MPP1: variants seen among roughly 807,000 people sequenced by gnomAD.
MPP1 encodes the protein MAGUK p55 scaffold protein 1.
In MPP1, 6 loss-of-function variants were observed where a neutral mutation model predicts 38.2. The observed-to-expected ratio is 0.16, with a 90% CI of 0.09 to 0.31. The LOEUF (loss-of-function observed/expected upper bound fraction) is 0.31, where lower values mean the gene tolerates loss of function less well. MPP1 is among the 10% of genes least tolerant of loss of function. The probability of loss-of-function intolerance (pLI) is 1.00; values close to 1 mark genes in which losing one functional copy is unlikely to be tolerated. For missense variants in MPP1, 293 were observed against 368.9 expected (o/e 0.79, Z 1.69); for synonymous variants, 153 against 146.3 (o/e 1.05, Z -0.33).
chrX:154,798,279 C>T (rs782762535), intron 1 of MPP1, among the ~76,000 whole-genome samples: 18 of 111,993 alleles, frequency 1.6e-4, no homozygotes, highest in African/African-American at 5.8e-4. Context: ...GGATATTCAC[C>T]TAGAGAAATG....
intron 6 of MPP1, 51 bp from the exon 7 acceptor site, chrX:154,785,208 A>ACCC (rs3215184): frequency 1.5e-6 from 1 of 686,197 alleles, no homozygotes. Context: ...CTCCCCTCAT[A>ACCC]CCCCCCCCAG....
At chrX:154,804,546 T>C (rs1557268965) in intron 1 of MPP1, among the ~76,000 whole-genome samples, 2 of 110,805 alleles carry the variant, frequency 1.8e-5, no homozygotes, top group African/African-American at 6.6e-5. Flanking sequence ...TCCAAATGAG[T>C]AAGTGAGCCG....
chrX:154,784,260 C>G (rs1557266959), intron 7 of MPP1, 152 bp from the exon 8 acceptor site: 2 of 473,548 alleles, frequency 4.2e-6, no homozygotes, highest in African/African-American at 4.9e-5. Context: ...GGAGGAAGGA[C>G]TTTGGACTGT....
At chrX:154,787,180 G>A (rs1371942399) in intron 5 of MPP1, among the ~76,000 whole-genome samples, 6 of 106,406 alleles carry the variant, frequency 5.6e-5, no homozygotes, top group Admixed American at 4.1e-4. Flanking sequence ...AATTTTCCAA[G>A]CATCATTTGA....
chrX:154,784,744 T>C (rs2072048742), intron 7 of MPP1: 1 of 358,518 alleles, frequency 2.8e-6, no homozygotes, highest in Admixed American at 3.6e-5. Flanking sequence ...GACCTGGCCC[T>C]GGCCTCTCCC....
In MPP1 at chrX:154,794,552, C is replaced by T. The variant is rs140282983; in HGVS notation, c.103-2267G>A. On this transcript the variant is annotated intron_variant, in intron 1 of 11. Coordinates refer to ENST00000369534, the MANE Select transcript of MPP1 (RefSeq NM_002436.4). ...AAATAGGGGATAGCTGCATTCCAGT[C>T]ACACCCAGAGGTGACCCTCAAAGAC... Among the ~76,000 whole-genome samples the T allele has an allele frequency of 7.8e-3, 876 of 111,751 alleles. 8 individuals carry two copies. Among genetic ancestry groups the T allele is most frequent in the African/African-American group, 0.027 (840 of 30,686 alleles).
rs782292442 is a variant in MPP1, at chrX:154,796,976, A to T, written c.103-4691T>A. On this transcript the variant is annotated intron_variant, in intron 1 of 11. Coordinates refer to ENST00000369534, the MANE Select transcript of MPP1 (RefSeq NM_002436.4). ...GGCAGGAGGATCATTTGAGCCCAGGAGGTCAAGGCTGCAGTGAGCTATGAT... is the reference window on the plus strand; with the variant it reads ...GGCAGGAGGATCATTTGAGCCCAGGTGGTCAAGGCTGCAGTGAGCTATGAT... Among the ~76,000 whole-genome samples the T allele has an allele frequency of 1.1e-3, 125 of 111,979 alleles. 1 individual carries two copies. Among genetic ancestry groups the T allele is most frequent in the Non-Finnish European group, 2.0e-3 (108 of 53,158 alleles).
In MPP1 at chrX:154,785,180, G is replaced by A. The variant is rs200366626; in HGVS notation, c.678-23C>T. 2.1e-5 allele frequency: 24 copies of A among 1,130,808 alleles called. No homozygotes were observed. In the East Asian group the frequency reaches 6.1e-4, roughly 29 times the overall value. 93.2% of individuals were successfully genotyped at this position (1,130,808 alleles called of 1,213,427 possible). On this transcript the variant is annotated intron_variant, in intron 6 of 11. Coordinates refer to ENST00000369534, the MANE Select transcript of MPP1 (RefSeq NM_002436.4). ...CGCCTGGTAGGAAAAGACAATCAAG[G>A]GGTCAGCTTTCCTCCCCCTCCCCTC...
intron 6 of MPP1, among the ~76,000 whole-genome samples, chrX:154,785,642 C>T (rs1221568725): frequency 8.9e-6 from 1 of 112,387 alleles, no homozygotes; most frequent in African/African-American, 3.2e-5. Context: ...TGGTTGTAAT[C>T]TTTACACTGG....
intron 1 of MPP1, among the ~76,000 whole-genome samples, chrX:154,801,929 G>C (rs1557268762): frequency 9.0e-6 from 1 of 110,938 alleles, no homozygotes; most frequent in African/African-American, 3.3e-5. Flanking sequence ...TATCAGTTCT[G>C]TGAAAAGAAA....
At chrX:154,801,736 G>A (rs147349195) in intron 1 of MPP1, among the ~76,000 whole-genome samples, 1,970 of 70,885 alleles carry the variant, frequency 0.028, 79 homozygotes, top group African/African-American at 0.098. Flanking sequence ...TCCAGCCTGG[G>A]TGACAGAGCA....
intron 6 of MPP1, 51 bp from the exon 7 acceptor site, chrX:154,785,208 A>C (rs782251045): frequency 1.3e-3 from 892 of 678,580 alleles, no homozygotes; most frequent in Middle Eastern, 3.8e-3. Flanking sequence ...CTCCCCTCAT[A>C]CCCCCCCCAG....
In MPP1 at chrX:154,781,705, G is replaced by T. The variant is rs1557266668; in HGVS notation, c.1044C>A (p.Phe348Leu). The T allele has an allele frequency of 8.3e-7, 1 of 1,211,509 alleles. No homozygotes were observed. The change falls in exon 10 of 12, where the codon TTC (phenylalanine) becomes TTA (leucine). Residue 348 changes from phenylalanine to leucine, a missense_variant. Coordinates refer to ENST00000369534, the MANE Select transcript of MPP1 (RefSeq NM_002436.4). ...EMTRNISANE[F>L]LEFGSYQGNM... ...TGCCTTGGTAGCTGCCAAACTCCAAGAACTCATTGGCAGAGATGTTCCTCG... is the reference window on the plus strand; with the variant it reads ...TGCCTTGGTAGCTGCCAAACTCCAATAACTCATTGGCAGAGATGTTCCTCG...
chrX:154,790,165 G>A (rs911874751), intron 4 of MPP1, 143 bp from the exon 5 acceptor site: 13 of 427,724 alleles, frequency 3.0e-5, no homozygotes, highest in Non-Finnish European at 4.8e-5. Flanking sequence ...TAATACAAAA[G>A]TGTCATGTGC....
chrX:154,786,473 T>C, intron 5 of MPP1, 73 bp from the exon 6 acceptor site: 1 of 965,483 alleles, frequency 1.0e-6, no homozygotes, highest in Non-Finnish European at 1.5e-6. Context: ...TGTCCTGCTG[T>C]AGACAAATGG....
chrX:154,799,286 G>A (rs1394562249), intron 1 of MPP1, among the ~76,000 whole-genome samples: 3 of 111,657 alleles, frequency 2.7e-5, no homozygotes, highest in East Asian at 2.8e-4. Context: ...AACTTCCAAC[G>A]TGGTAACTAA....
intron 1 of MPP1, among the ~76,000 whole-genome samples, chrX:154,802,422 G>C (rs1487170789): frequency 8.9e-6 from 1 of 111,767 alleles, no homozygotes; most frequent in Non-Finnish European, 1.9e-5. Context: ...TTTCTTGGTG[G>C]AAATTTGCCT....
In MPP1 at chrX:154,779,341, G is replaced by T; in HGVS notation, c.1237C>A (p.Gln413Lys). The change falls in exon 12 of 12, where the codon CAG becomes AAG. Residue 413 changes from glutamine (Q) to lysine (K), a missense_variant. Coordinates refer to ENST00000369534, the MANE Select transcript of MPP1 (RefSeq NM_002436.4). ...GCCTCAGAGTCCTTCTGCAGCTGCT[G>T]CAGGGCTTCTGTCTGCAAAGAAGAA... ...TDQGTQTEAL[Q>K]QLQKDSEAIR... is the part of the protein sequence containing the mutation. The T allele has an allele frequency of 8.3e-7, 1 of 1,207,803 alleles. No homozygotes were observed. The highest frequency in any genetic ancestry group is 1.1e-6 in the Non-Finnish European group (1 of 894,079).
chrX:154,784,257 G>T (rs1603429934), intron 7 of MPP1, 149 bp from the exon 8 acceptor site: 2 of 472,807 alleles, frequency 4.2e-6, no homozygotes, highest in Non-Finnish European at 7.4e-6. Context: ...TGTGGAGGAA[G>T]GACTTTGGAC....
Sources: allele counts gnomAD v4.1 joint callset (sites outside exome capture counted in the v4.1 genomes callset), GRCh38; gene constraint gnomAD v4.1.1; transcripts MANE v1.5; gene names NCBI Gene and HGNC (gene_info 2026-07-23, HGNC 2026-07-21).